TEKT3: variants seen among roughly 807,000 people sequenced by gnomAD.
The protein encoded by TEKT3 is tektin 3.
TEKT3 carries 49 observed loss-of-function variants against 49.8 expected under a neutral mutation model. The observed-to-expected ratio is 0.98, with a 90% CI of 0.78 to 1.25. The LOEUF is 1.25. Ranked by LOEUF, TEKT3 falls within the 50% of genes most tolerant of loss-of-function variation. The probability of loss-of-function intolerance (pLI) is 0.00; values close to 1 mark genes in which losing one functional copy is unlikely to be tolerated. For synonymous variants in TEKT3, 225 were observed against 237.2 expected, an observed-to-expected ratio of 0.95 and a Z score of 0.47; for missense variants, 595 against 629.5, an observed-to-expected ratio of 0.95 and a Z score of 0.59.
At chr17:15,342,128 C>G (rs1912254895), upstream of TEKT3, among the ~76,000 whole-genome samples, 1 of 152,206 alleles carries the variant, frequency 6.6e-6, no homozygotes, top group Non-Finnish European at 1.5e-5. Context: ...GCAAATATTT[C>G]CGTAAACAGC....
At chr17:15,343,024 T>C (rs1912281313), upstream of TEKT3, among the ~76,000 whole-genome samples, 1 of 152,258 alleles carries the variant, frequency 6.6e-6, no homozygotes, top group Non-Finnish European at 1.5e-5. Flanking sequence ...CTAGAATCCG[T>C]AGACAATGCA....
intron 3 of TEKT3, among the ~76,000 whole-genome samples, chr17:15,330,299 A>C (rs543105318): frequency 6.6e-6 from 1 of 152,226 alleles, no homozygotes; most frequent in African/African-American, 2.4e-5. Flanking sequence ...TAAGATGGTC[A>C]TATGGTTTGG....
intron 4 of TEKT3, among the ~76,000 whole-genome samples, chr17:15,321,689 AG>A (rs1455218101): frequency 6.6e-6 from 1 of 152,220 alleles, no homozygotes; most frequent in African/African-American, 2.4e-5. Flanking sequence ...TCCCTGACTT[AG>A]GGAGAAATTA....
In TEKT3 at chr17:15,312,224, G is replaced by C. The variant is rs775323399; in HGVS notation, c.1101+35C>G. The C allele has an allele frequency of 2.3e-5, 36 of 1,599,744 alleles. No individual in the cohort carries two copies. The East Asian group carries it at 8.0e-4, about 36-fold the overall frequency. On this transcript the variant is annotated intron_variant, in intron 7 of 8. Coordinates refer to ENST00000395930, the MANE Select transcript of TEKT3 (RefSeq NM_031898.3). ...GTCCCAGAGCACACCGCTCTGTCCA[G>C]GTCAGCTAAGGGGTACCACTGGCGG...
chr17:15,309,409 T>A (rs971250303), intron 7 of TEKT3, among the ~76,000 whole-genome samples: 5 of 152,132 alleles, frequency 3.3e-5, no homozygotes, highest in Admixed American at 1.3e-4. Context: ...TTTGTATTCG[T>A]TTTTTCTTAA....
At chr17:15,337,641 A>C (rs1333386430) in intron 2 of TEKT3, among the ~76,000 whole-genome samples, 1 of 152,182 alleles carries the variant, frequency 6.6e-6, no homozygotes, top group Non-Finnish European at 1.5e-5. Flanking sequence ...CAGAAGTTCA[A>C]GACCAGCCTG....
rs1450941539 is a variant in TEKT3, at chr17:15,303,895, G to A, written c.*41C>T. ...AATGCTGAGACAGTGCTCTGGCTCA[G>A]CCTTAACTTAGGGGTATCAAAACCA... On this transcript the variant is annotated 3_prime_UTR_variant, in exon 9 of 9. Transcript: ENST00000395930. The A allele has an allele frequency of 1.3e-6, 2 of 1,577,556 alleles. No homozygotes were observed. Among genetic ancestry groups the A allele is most frequent in the East Asian group, 2.2e-5 (1 of 44,670 alleles).
At chr17:15,320,933 T>C (rs1911225119) in intron 4 of TEKT3, among the ~76,000 whole-genome samples, 1 of 151,896 alleles carries the variant, frequency 6.6e-6, no homozygotes, top group South Asian at 2.1e-4. Context: ...AAGCACAGAG[T>C]GGAAATTCTT....
At chr17:15,328,436 T>C (rs1911577220) in intron 3 of TEKT3, among the ~76,000 whole-genome samples, 1 of 152,346 alleles carries the variant, frequency 6.6e-6, no homozygotes, top group Middle Eastern at 3.4e-3. Flanking sequence ...CAAGATATTA[T>C]TTCTAAATAT....
chr17:15,330,904 C>T lies in TEKT3; in HGVS notation c.579+103G>A, dbSNP rs1287661994. ...AGATTTATTGATAGGGGGTTGGCTT[C>T]AACAGATGAAGTAAAACATAAGTCA... On this transcript the variant is annotated intron_variant, in intron 3 of 8. Transcript: ENST00000395930. The T allele has an allele frequency of 5.7e-6, 7 of 1,233,120 alleles. No individual in the cohort carries two copies. In the East Asian group the frequency reaches 1.5e-4, roughly 27 times the overall value. 76.4% of individuals were successfully genotyped at this position (1,233,120 alleles called of 1,614,324 possible). A position where few individuals can be genotyped will look rare whatever the true frequency, so the allele number is the denominator to read the frequency against.
chr17:15,331,290 C>T lies in TEKT3; in HGVS notation c.296G>A (p.Trp99Ter), dbSNP rs745543061. Residue 99 changes from tryptophan (W) to a stop codon, truncating the protein, a stop_gained, in exon 3 of 9, where the codon TGG (tryptophan) becomes TAG (stop). Transcript: ENST00000395930. LOFTEE classifies it high-confidence loss of function. ...ATAGTTGGTTAAATTGGACCTGTAC[C>T]AGTCATCCGGTGTGTATCTTGTGAA... ...TFFTRYTPDD[W>*]YRSNLTNYQE... 1.9e-6 allele frequency: 3 copies of T among 1,614,048 alleles called. No individual in the cohort carries two copies. The highest frequency in any genetic ancestry group is 2.5e-6 in the Non-Finnish European group (3 of 1,180,042).
At chr17:15,321,383 C>A (rs569964234) in intron 4 of TEKT3, among the ~76,000 whole-genome samples, 14 of 139,816 alleles carry the variant, frequency 1.0e-4, no homozygotes, top group Non-Finnish European at 1.6e-4. Flanking sequence ...GAAGGGTTCA[C>A]AAGAATACAA....
chr17:15,318,941 C>A, intron 5 of TEKT3, 136 bp downstream of exon 5: 1 of 624,218 alleles, frequency 1.6e-6, no homozygotes, highest in Non-Finnish European at 2.7e-6. Context: ...AAGTAATCAT[C>A]TTAACATTTG....
intron 7 of TEKT3, 120 bp downstream of exon 7, chr17:15,312,139 C>G (rs537552676): frequency 6.6e-6 from 6 of 906,518 alleles, no homozygotes; most frequent in Admixed American, 2.4e-5. Context: ...TTTTCTTGCT[C>G]TGTGTGGCCA....
intron 2 of TEKT3, among the ~76,000 whole-genome samples, chr17:15,332,926 T>G (rs902143547): frequency 4.6e-5 from 7 of 152,204 alleles, no homozygotes; most frequent in African/African-American, 1.7e-4. Flanking sequence ...ATTTATATTT[T>G]ATATACCTCT....
At chr17:15,309,372 G>A (rs1463551429) in intron 7 of TEKT3, among the ~76,000 whole-genome samples, 1 of 152,166 alleles carries the variant, frequency 6.6e-6, no homozygotes, top group Non-Finnish European at 1.5e-5. Flanking sequence ...TGCAATAGAG[G>A]AGTACTGGCA....
intron 2 of TEKT3, among the ~76,000 whole-genome samples, chr17:15,338,017 G>A (rs1477406022): frequency 1.3e-5 from 2 of 152,184 alleles, no homozygotes; most frequent in East Asian, 3.9e-4. Context: ...AGGAGATATA[G>A]CAATATTAAA....
chr17:15,309,779 C>G (rs1412947995), intron 7 of TEKT3, among the ~76,000 whole-genome samples: 1 of 152,170 alleles, frequency 6.6e-6, no homozygotes, highest in African/African-American at 2.4e-5. Flanking sequence ...TGTCTCTGGC[C>G]CTAGCTGCTG....
At chr17:15,327,859 A>AAGAC in intron 4 of TEKT3, 133 bp downstream of exon 4, 1 of 675,590 alleles carries the variant, frequency 1.5e-6, no homozygotes. Context: ...GTCTTTGCTA[A>AAGAC]ATGCTATCAG....
Sources: gnomAD v4.1 joint callset for allele counts (sites outside exome capture counted in the v4.1 genomes callset) on GRCh38, gnomAD v4.1.1 for gene constraint, MANE v1.5 for transcripts, NCBI Gene and HGNC (gene_info 2026-07-23, HGNC 2026-07-21) for gene names.